The following TTLL9 variants were observed in gnomAD, a reference collection of about 807,000 sequenced individuals.
TTLL9 encodes the protein tubulin tyrosine ligase like 9.
A neutral mutation model predicts 65.6 loss-of-function variants in TTLL9; 47 were observed. That is an observed-to-expected ratio of 0.72 (90% CI 0.57 to 0.91). TTLL9 has a LOEUF of 0.91. TTLL9 is among the 40% of genes least tolerant of loss of function. The pLI is 0.00. For synonymous variants in TTLL9, 179 were observed against 204.8 expected (o/e 0.87, Z 1.07); for missense variants, 537 against 568.8 (o/e 0.94, Z 0.57).
In TTLL9 at chr20:31,937,460, A is replaced by G. The variant is rs2064131575; in HGVS notation, c.1069A>G (p.Lys357Glu). 6.2e-7 allele frequency: 1 copy of G among 1,613,558 alleles called. No individual in the cohort carries two copies. Among genetic ancestry groups the G allele is most frequent in the East Asian group, 2.2e-5 (1 of 44,852 alleles). Reference protein sequence around the residue: ...TASSQEDYELKTCLLEDTLHV... With the variant: ...TASSQEDYELETCLLEDTLHV... The stretch of plus-strand genomic sequence containing the variant: ...CAGCAGCCAGGAAGACTATGAGCTC[A>G]AGACCTGCCTCCTGGAAGACACCCT... Residue 357 changes from lysine (K) to glutamate (E), a missense_variant, in exon 13 of 15, where the codon AAG becomes GAG. Coordinates refer to ENST00000535842, the MANE Select transcript of TTLL9 (RefSeq NM_001008409.5).
At chr20:31,929,618 T>A (rs1202108242) in intron 10 of TTLL9, among the ~76,000 whole-genome samples, 2 of 152,156 alleles carry the variant, frequency 1.3e-5, no homozygotes, top group Admixed American at 6.5e-5. Flanking sequence ...AATGAAAATA[T>A]TCCACTGAGT....
chr20:31,890,797 G>A (rs547508864), intron 3 of TTLL9, among the ~76,000 whole-genome samples: 4 of 152,376 alleles, frequency 2.6e-5, no homozygotes, highest in Non-Finnish European at 5.9e-5. Context: ...GTTGTATGCT[G>A]TTGGCAGAGG....
Position 31,913,384 on chromosome 20 carries a change from G to C in TTLL9, c.504+3462G>C, listed in dbSNP as rs184056100. On this transcript the variant is annotated intron_variant, in intron 6 of 14. Coordinates refer to ENST00000535842, the MANE Select transcript of TTLL9 (RefSeq NM_001008409.5). ...ACCTTATTTGGATTCCTTTCAGGAG[G>C]AGAGAGTGTTAAAAACAGAACATTG... 1.9e-3 allele frequency among the ~76,000 whole-genome samples: 296 copies of C among 152,300 alleles called. 1 individual carries two copies. Among genetic ancestry groups the C allele is most frequent in the African/African-American group, 7.0e-3 (291 of 41,568 alleles).
intron 2 of TTLL9, among the ~76,000 whole-genome samples, chr20:31,885,175 G>T (rs1039475653): frequency 5.3e-5 from 8 of 151,824 alleles, no homozygotes; most frequent in Admixed American, 1.3e-4. Context: ...ATCTCAACAT[G>T]TTTTTTCGTA....
At chr20:31,878,052 G>C (rs2063060985) in intron 2 of TTLL9, among the ~76,000 whole-genome samples, 1 of 152,160 alleles carries the variant, frequency 6.6e-6, no homozygotes. Context: ...AGAAGCATAA[G>C]AATTTGTGGT....
chr20:31,887,855 CCTCTTCTCTTCTCTTCTCTT>C (rs11273358), intron 3 of TTLL9, among the ~76,000 whole-genome samples: 7 of 115,052 alleles, frequency 6.1e-5, no homozygotes, highest in African/African-American at 2.5e-4. Flanking sequence ...TATCTCCTCT[CCTCTTCTCTTCTCTTCTCTT>C]CTCTTCTCTT....
chr20:31,874,724 T>G (rs2063013996), intron 2 of TTLL9, among the ~76,000 whole-genome samples: 1 of 152,052 alleles, frequency 6.6e-6, no homozygotes, highest in South Asian at 2.1e-4. Context: ...GATCTTGAGA[T>G]GGGGAGATTA....
chr20:31,923,179 A>AGATG lies in TTLL9; in HGVS notation c.664+128_664+131dup. ...CAGGCATGAAGGGATGCATGGAAAG[A>AGATG]GATGGGTTCTGCAGTCTCCCACCTC... On this transcript the variant is annotated intron_variant, in intron 8 of 14. Transcript: ENST00000535842. 6.7e-6 allele frequency: 5 copies of AGATG among 741,490 alleles called. No homozygotes were observed. In the South Asian group the frequency reaches 7.7e-5, roughly 11 times the overall value. The allele number at this position is 741,490 out of a possible 1,614,324, so 45.9% of individuals were successfully genotyped here. A position where few individuals can be genotyped will look rare whatever the true frequency, so the allele number is the denominator to read the frequency against.
chr20:31,942,964 G>T lies in TTLL9; in HGVS notation c.1263G>T (p.Lys421Asn). 6.2e-7 allele frequency: 1 copy of T among 1,614,142 alleles called. No individual in the cohort carries two copies. Among genetic ancestry groups the T allele is most frequent in the South Asian group, 1.1e-5 (1 of 91,082 alleles). ...TTCCAGGCTGCGTCAACGATCGGAA[G>T]AAACAACTGAGGCAGCTCTTCTGCT... is the stretch of plus-strand genomic sequence containing the variant. ...NTHLGCVNDRKKQLRQLFCSL... is the reference protein window; with the variant it reads ...NTHLGCVNDRNKQLRQLFCSL... Residue 421 changes from lysine (K) to asparagine (N), a missense_variant, in exon 15 of 15, where the codon AAG becomes AAT. Around this residue, in one of 3 missense-constraint regions of TTLL9, gnomAD observed 205 missense variants for 225.9 expected, o/e 0.91. Coordinates refer to ENST00000535842, the MANE Select transcript of TTLL9 (RefSeq NM_001008409.5).
intron 2 of TTLL9, among the ~76,000 whole-genome samples, chr20:31,874,437 A>C (rs2063009633): frequency 6.7e-6 from 1 of 149,348 alleles, no homozygotes; most frequent in Non-Finnish European, 1.5e-5. Context: ...TTTGAGACAA[A>C]GTCTCACTCT....
intron 2 of TTLL9, chr20:31,879,419 A>C (rs62206287): frequency 0.12 from 20,220 of 169,596 alleles, 1,467 homozygotes; most frequent in Middle Eastern, 0.22. Flanking sequence ...AGCCCTTAAG[A>C]TTAGAAAGCG....
chr20:31,873,812 G>GAAA lies in TTLL9; in HGVS notation c.69+2617_69+2618insAAA, dbSNP rs1432576494. Among the ~76,000 whole-genome samples, 69 of 81,692 alleles carry GAAA rather than the reference G, an allele frequency of 8.4e-4. 2 individuals are homozygous for GAAA. The highest frequency in any genetic ancestry group is 2.9e-3 in the African/African-American group (61 of 20,788). 53.6% of individuals were successfully genotyped at this position (81,692 alleles called of 152,430 possible). ...AGAAAGAAAGGAAGGAAGGAAGGAA[G>GAAA]GAAGGAAGGAAGAAAGAAAGAAAGA... On this transcript the variant is annotated intron_variant, in intron 2 of 14. Transcript: ENST00000535842.
At chr20:31,881,970 G>A (rs2063124099) in intron 2 of TTLL9, among the ~76,000 whole-genome samples, 1 of 152,162 alleles carries the variant, frequency 6.6e-6, no homozygotes, top group Non-Finnish European at 1.5e-5. Context: ...TTTTGTTTTT[G>A]TTGTTGGAAA....
chr20:31,874,681 A>G (rs2063013270), intron 2 of TTLL9, among the ~76,000 whole-genome samples: 1 of 152,164 alleles, frequency 6.6e-6, no homozygotes, highest in Non-Finnish European at 1.5e-5. Flanking sequence ...AAATGCTGGG[A>G]TTACAGGCGT....
intron 13 of TTLL9, 97 bp downstream of exon 13, chr20:31,937,606 C>G: frequency 1.1e-6 from 1 of 946,170 alleles, no homozygotes; most frequent in East Asian, 2.7e-5. Context: ...GCCTGAGTGG[C>G]CCTCAGCGAT....
chr20:31,941,346 C>G (rs1003362623), intron 14 of TTLL9: 1 of 152,114 alleles, frequency 6.6e-6, no homozygotes, highest in African/African-American at 2.4e-5. Context: ...AACAGTGCAC[C>G]AAAGATATCA....
intron 2 of TTLL9, among the ~76,000 whole-genome samples, chr20:31,883,714 A>T (rs765525797): frequency 6.6e-6 from 1 of 152,070 alleles, no homozygotes; most frequent in Non-Finnish European, 1.5e-5. Flanking sequence ...ATAAGAAAAG[A>T]TGTTTTAAAT....
At position 31,934,784 on chromosome 20, in the gene TTLL9, C is replaced by T; in HGVS notation, c.900C>T (p.Asn300=). The T allele has an allele frequency of 6.2e-7, 1 of 1,613,838 alleles. No homozygotes were observed. The highest frequency in any genetic ancestry group is 8.5e-7 in the Non-Finnish European group (1 of 1,180,026). ...AVETLFRDID[N]IFVKSLQSVQ... ...AGACACTCTTCAGGGACATCGACAA[C>T]ATCTTTGTCAAAAGCCTGCAGAGTG... Residue 300 remains asparagine (N), a synonymous_variant, in exon 12 of 15, where the codon AAC becomes AAT. Transcript: ENST00000535842.
chr20:31,930,468 G>C (rs1419379133), intron 10 of TTLL9, among the ~76,000 whole-genome samples: 1 of 152,138 alleles, frequency 6.6e-6, no homozygotes, highest in Non-Finnish European at 1.5e-5. Flanking sequence ...CTTTTTCCCA[G>C]ATGGGGTCCT....
Sources: allele counts gnomAD v4.1 joint callset (sites outside exome capture counted in the v4.1 genomes callset), GRCh38; gene constraint gnomAD v4.1.1; regional missense constraint gnomAD v4.1.1; transcripts MANE v1.5; gene names NCBI Gene and HGNC (gene_info 2026-07-23, HGNC 2026-07-21).